SHISAL1: variants seen among roughly 807,000 people sequenced by gnomAD.
SHISAL1 encodes the protein protein shisa-like-1.
In SHISAL1, 9 loss-of-function variants were observed where a neutral mutation model predicts 22.6. The ratio of observed to expected loss-of-function variants is 0.40; its 90% CI spans 0.24 to 0.70. The LOEUF is 0.70. Ranked by LOEUF, SHISAL1 falls within the 30% of genes least tolerant of loss-of-function variation. The pLI is 0.39. For missense variants in SHISAL1, 246 were observed against 270.6 expected (o/e 0.91, Z 0.64); for synonymous variants, 119 against 115.4 (o/e 1.03, Z -0.20).
At chr22:44,276,565 G>T (rs2055241008) in intron 4 of SHISAL1, among the ~76,000 whole-genome samples, 1 of 152,150 alleles carries the variant, frequency 6.6e-6, no homozygotes, top group East Asian at 1.9e-4. Flanking sequence ...TGGAGGGGTG[G>T]GTATGGGGTG....
At chr22:44,318,351 A>G in the SHISAL1 span, among the ~76,000 whole-genome samples, 6 of 152,336 alleles carry the variant, frequency 3.9e-5, no homozygotes, top group Non-Finnish European at 8.8e-5. Context: ...TGGGGAATGG[A>G]GAGGTAACAT....
intron 3 of SHISAL1, among the ~76,000 whole-genome samples, chr22:44,295,910 C>A (rs77546548): frequency 0.023 from 3,477 of 152,304 alleles, 267 homozygotes; most frequent in East Asian, 0.21. Context: ...CACCTGTGGT[C>A]CCCTCCATCA....
intron 4 of SHISAL1, among the ~76,000 whole-genome samples, chr22:44,263,712 G>A (rs2055142403): frequency 2.0e-5 from 3 of 152,290 alleles, no homozygotes; most frequent in African/African-American, 4.8e-5. Context: ...TCTGGAAGGG[G>A]CCACAAGCCG....
intron 1 of SHISAL1, among the ~76,000 whole-genome samples, chr22:44,304,862 A>G (rs1451220551): frequency 6.6e-6 from 1 of 151,996 alleles, no homozygotes; most frequent in African/African-American, 2.4e-5. Flanking sequence ...TGGCCCCCGT[A>G]GGGTGGGGCT....
In SHISAL1 at chr22:44,247,644, C is replaced by T. The variant is rs1161235915; in HGVS notation, c.*2041G>A. On this transcript the variant is annotated 3_prime_UTR_variant, in exon 5 of 5. Coordinates refer to ENST00000381176, the MANE Select transcript of SHISAL1 (RefSeq NM_001099294.2). ...GTGTGATCCTGGGCAAGCCACTTGA[C>T]CCAGCTGAGTCTGTCTTCTTGTCCA... 6.6e-6 allele frequency: 1 copy of T among 152,282 alleles called. No individual in the cohort carries two copies. Among genetic ancestry groups the T allele is most frequent in the Admixed American group, 6.5e-5 (1 of 15,286 alleles). The allele number at this position is 152,282 out of a possible 1,614,324, so 9.4% of individuals were successfully genotyped here.
chr22:44,252,628 TAA>T lies in SHISAL1; in HGVS notation c.*-2945_*-2944del, dbSNP rs11399241. On this transcript the variant is annotated intron_variant, in intron 4 of 4. Transcript: ENST00000381176. ...TGTTAATGAGCCATACACACTTGCT[TAA>T]AAAAAAAAAAAAAAGACTGATCACA... Among the ~76,000 whole-genome samples the T allele has an allele frequency of 4.0e-3, 561 of 139,990 alleles. 4 individuals are homozygous for T. Among genetic ancestry groups the T allele is most frequent in the Non-Finnish European group, 6.1e-3 (398 of 64,736 alleles). The allele number at this position is 139,990 out of a possible 152,430, so 91.8% of individuals were successfully genotyped here.
chr22:44,308,788 T>C (rs1456343441), intron 1 of SHISAL1, among the ~76,000 whole-genome samples: 1 of 141,182 alleles, frequency 7.1e-6, no homozygotes, highest in Non-Finnish European at 1.6e-5. Context: ...GGCAGAACCA[T>C]GACCTCTGCC....
the SHISAL1 span, among the ~76,000 whole-genome samples, chr22:44,331,412 T>G: frequency 6.7e-6 from 1 of 149,292 alleles, no homozygotes; most frequent in Non-Finnish European, 1.5e-5. The surrounding 1 kb of genome is among the most constrained non-coding windows in gnomAD (Gnocchi z 5.2). Flanking sequence ...CCCGGCCCCT[T>G]TCCCCGCCGC....
Position 44,247,428 on chromosome 22 carries a change from C to G in SHISAL1, c.*2257G>C, listed in dbSNP as rs1244897467. 1 of 152,324 alleles carries G rather than the reference C, an allele frequency of 6.6e-6. No homozygotes were observed. The highest frequency in any genetic ancestry group is 1.5e-5 in the Non-Finnish European group (1 of 68,132). 9.4% of individuals were successfully genotyped at this position (152,324 alleles called of 1,614,324 possible). On this transcript the variant is annotated 3_prime_UTR_variant, in exon 5 of 5. Coordinates refer to ENST00000381176, the MANE Select transcript of SHISAL1 (RefSeq NM_001099294.2). ...GGGCTAGTGGACAGGCTGTGCACCC[C>G]CTTACGGCAACATGGCCCTGGGACG...
At position 44,247,493 on chromosome 22, in the gene SHISAL1, C is replaced by G. The variant is rs956978101; in HGVS notation, c.*2192G>C. 6.6e-6 allele frequency: 1 copy of G among 152,390 alleles called. No homozygotes were observed. The highest frequency in any genetic ancestry group is 2.4e-5 in the African/African-American group (1 of 41,444). 9.4% of individuals were successfully genotyped at this position (152,390 alleles called of 1,614,324 possible). The stretch of plus-strand genomic sequence containing the variant: ...AGAGGAAGCCATTCCTTTCTCCAAT[C>G]GAGACCCCAAGCAGAGGTTCTCCCA... On this transcript the variant is annotated 3_prime_UTR_variant, in exon 5 of 5. Coordinates refer to ENST00000381176, the MANE Select transcript of SHISAL1 (RefSeq NM_001099294.2).
chr22:44,323,527 C>T, the SHISAL1 span, among the ~76,000 whole-genome samples: 1 of 143,506 alleles, frequency 7.0e-6, no homozygotes, highest in Non-Finnish European at 1.5e-5. Context: ...ATCCATCTAC[C>T]CACCTCACCC....
At chr22:44,293,390 G>A (rs1322341319) in intron 3 of SHISAL1, among the ~76,000 whole-genome samples, 1 of 152,162 alleles carries the variant, frequency 6.6e-6, no homozygotes, top group Non-Finnish European at 1.5e-5. Context: ...GCACTGTTAG[G>A]AGCCATTGCT....
At chr22:44,288,217 C>T (rs1336360612) in intron 3 of SHISAL1, among the ~76,000 whole-genome samples, 1 of 152,210 alleles carries the variant, frequency 6.6e-6, no homozygotes, top group Admixed American at 6.5e-5. Context: ...AGAGACTTGC[C>T]TAAGAGCTCA....
At chr22:44,261,855 C>A (rs135426) in intron 4 of SHISAL1, among the ~76,000 whole-genome samples, 1 of 152,058 alleles carries the variant, frequency 6.6e-6, no homozygotes, top group Non-Finnish European at 1.5e-5. Flanking sequence ...CTGCAGGTCA[C>A]CTTGCCCCTC....
chr22:44,302,097 T>C (rs2055433951), intron 1 of SHISAL1, among the ~76,000 whole-genome samples: 1 of 152,146 alleles, frequency 6.6e-6, no homozygotes, highest in Admixed American at 6.5e-5. Context: ...TCCCAGCACT[T>C]TGGGAGGCCG....
At chr22:44,263,092 T>TTTTTTG (rs2055137267) in intron 4 of SHISAL1, among the ~76,000 whole-genome samples, 1 of 145,692 alleles carries the variant, frequency 6.9e-6, no homozygotes. Flanking sequence ...TTTTTTTTTT[T>TTTTTTG]TTTTTTTGGA....
At chr22:44,266,366 G>A (rs111389649) in intron 4 of SHISAL1, among the ~76,000 whole-genome samples, 2,468 of 151,114 alleles carry the variant, frequency 0.016, 61 homozygotes, top group African/African-American at 0.055. Context: ...GGGAGTGGAC[G>A]AGGCAGTGGG....
chr22:44,328,872 T>C, the SHISAL1 span, among the ~76,000 whole-genome samples: 20 of 151,942 alleles, frequency 1.3e-4, no homozygotes, highest in Non-Finnish European at 2.5e-4. Flanking sequence ...CCTCCAGGTC[T>C]GCAGCCACCT....
At chr22:44,283,354 G>A (rs568143619) in intron 4 of SHISAL1, among the ~76,000 whole-genome samples, 42 of 152,350 alleles carry the variant, frequency 2.8e-4, no homozygotes, top group African/African-American at 4.3e-4. Flanking sequence ...CTCAGGCTCC[G>A]TGCACAATCC....
Sources: gnomAD v4.1 joint callset for allele counts (sites outside exome capture counted in the v4.1 genomes callset) on GRCh38, gnomAD v4.1.1 for gene constraint, Gnocchi (gnomAD v3.1) non-coding constraint, MANE v1.5 for transcripts, NCBI Gene and HGNC (gene_info 2026-07-23, HGNC 2026-07-21) for gene names.